ARB2A: variants seen among roughly 807,000 people sequenced by gnomAD.
ARB2A encodes the protein ARB2 cotranscriptional regulator A, also known as cotranscriptional regulator ARB2A.
the ARB2A span, among the ~76,000 whole-genome samples, chr5:93,623,770 T>C: frequency 6.6e-6 from 1 of 152,084 alleles, no homozygotes; most frequent in African/African-American, 2.4e-5. Flanking sequence ...GGTTAGCAAC[T>C]GAATTACAGA....
the ARB2A span, among the ~76,000 whole-genome samples, chr5:93,791,166 G>A: frequency 1.3e-5 from 2 of 152,230 alleles, no homozygotes; most frequent in Middle Eastern, 6.8e-3. Context: ...ATTTGGTTTC[G>A]ATTAAATATT....
At chr5:93,915,926 T>C in the ARB2A span, among the ~76,000 whole-genome samples, 1 of 152,066 alleles carries the variant, frequency 6.6e-6, no homozygotes, top group Non-Finnish European at 1.5e-5. Flanking sequence ...GGCTGGATTA[T>C]ATTTTCATTT....
the ARB2A span, among the ~76,000 whole-genome samples, chr5:93,846,408 G>A: frequency 1.8e-4 from 27 of 151,986 alleles, no homozygotes; most frequent in Non-Finnish European, 2.8e-4. Context: ...AGGCTGAGGT[G>A]GGAGAATTGC....
chr5:93,782,107 C>A, the ARB2A span, among the ~76,000 whole-genome samples: 1 of 152,138 alleles, frequency 6.6e-6, no homozygotes, highest in Non-Finnish European at 1.5e-5. Flanking sequence ...CTGTCATACT[C>A]TTTTACAGTC....
At chr5:93,620,930 T>C in the ARB2A span, 4 of 1,591,274 alleles carry the variant, frequency 2.5e-6, no homozygotes, top group South Asian at 4.5e-5. Context: ...ACACAAGCAG[T>C]GAGGAGGCGT....
the ARB2A span, among the ~76,000 whole-genome samples, chr5:94,032,805 C>CTTGCTTTGAGGTGGTTACTCCTTTCTT: frequency 6.6e-6 from 1 of 152,140 alleles, no homozygotes; most frequent in African/African-American, 2.4e-5. Flanking sequence ...AGGTTTCAGA[C>CTTGCTTTGAGGTGGTTACTCCTTTCTT]TTGCTTTGAG....
chr5:93,982,408 A>G, the ARB2A span, among the ~76,000 whole-genome samples: 1 of 152,224 alleles, frequency 6.6e-6, no homozygotes, highest in East Asian at 1.9e-4. Flanking sequence ...AGCTGAATAT[A>G]TATGTATGTA....
At chr5:93,922,271 T>C in the ARB2A span, among the ~76,000 whole-genome samples, 4 of 151,734 alleles carry the variant, frequency 2.6e-5, no homozygotes, top group Admixed American at 2.6e-4. Context: ...ATAAAGGAGA[T>C]TGTGGATATG....
At chr5:93,950,577 A>C in the ARB2A span, among the ~76,000 whole-genome samples, 1 of 151,902 alleles carries the variant, frequency 6.6e-6, no homozygotes, top group Admixed American at 6.6e-5. Context: ...TGGGAGGTGA[A>C]GGTTGTAGTG....
At chr5:93,797,427 T>C in the ARB2A span, among the ~76,000 whole-genome samples, 2 of 152,234 alleles carry the variant, frequency 1.3e-5, no homozygotes, top group Admixed American at 6.5e-5. Context: ...AAAATAAATA[T>C]ACTTAGGAAG....
the ARB2A span, among the ~76,000 whole-genome samples, chr5:93,916,974 C>T: frequency 6.6e-6 from 1 of 152,100 alleles, no homozygotes; most frequent in Admixed American, 6.6e-5. Flanking sequence ...GAGCCATAAG[C>T]ATTTGGACTA....
the ARB2A span, among the ~76,000 whole-genome samples, chr5:93,742,416 C>T: frequency 6.6e-6 from 1 of 152,146 alleles, no homozygotes; most frequent in Admixed American, 6.5e-5. Context: ...CATCAGGCTC[C>T]TTTATCCTTA....
At chr5:93,951,418 G>A in the ARB2A span, among the ~76,000 whole-genome samples, 1 of 152,078 alleles carries the variant, frequency 6.6e-6, no homozygotes, top group African/African-American at 2.4e-5. Flanking sequence ...CAATTTCCTG[G>A]AGAGTTTCTT....
chr5:94,085,957 A>T, the ARB2A span, among the ~76,000 whole-genome samples: 1 of 152,234 alleles, frequency 6.6e-6, no homozygotes, highest in African/African-American at 2.4e-5. Context: ...TTGTGATAAA[A>T]CCGTAAGAAA....
chr5:93,720,159 C>A, the ARB2A span, among the ~76,000 whole-genome samples: 2 of 152,124 alleles, frequency 1.3e-5, no homozygotes, highest in South Asian at 4.1e-4. Flanking sequence ...AAACATAGAA[C>A]CCTAGAATTG....
chr5:93,772,345 T>C, the ARB2A span, among the ~76,000 whole-genome samples: 1 of 152,080 alleles, frequency 6.6e-6, no homozygotes, highest in African/African-American at 2.4e-5. Context: ...TTAGGAGATA[T>C]ACCTAATGCT....
chr5:93,954,688 CAGCACAGCACAGCA>C, the ARB2A span, among the ~76,000 whole-genome samples: 3 of 151,722 alleles, frequency 2.0e-5, no homozygotes, highest in African/African-American at 7.3e-5. Context: ...CAGCACAGCA[CAGCACAGCACAGCA>C]AGCACAGCAC....
chr5:93,850,969 G>T, the ARB2A span, among the ~76,000 whole-genome samples: 1 of 151,978 alleles, frequency 6.6e-6, no homozygotes, highest in Non-Finnish European at 1.5e-5. Context: ...AAATATTAGG[G>T]ATTCTTAGTC....
the ARB2A span, among the ~76,000 whole-genome samples, chr5:94,012,736 G>A: frequency 1.3e-5 from 2 of 152,122 alleles, no homozygotes; most frequent in East Asian, 3.9e-4. Context: ...TTAATGAAAA[G>A]ACTGTTATCA....
Sources: gnomAD v4.1 joint callset for allele counts (sites outside exome capture counted in the v4.1 genomes callset) on GRCh38, gnomAD v4.1.1 for gene constraint, MANE v1.5 for transcripts, NCBI Gene and HGNC (gene_info 2026-07-23, HGNC 2026-07-21) for gene names.